The following CUL2 variants were observed in gnomAD, a reference collection of about 807,000 sequenced individuals.
CUL2 encodes cullin-2.
In CUL2, 22 loss-of-function variants were observed where a neutral mutation model predicts 110.2. The ratio of observed to expected loss-of-function variants is 0.20; its 90% CI spans 0.14 to 0.28. The LOEUF is 0.28. Ranked by LOEUF, CUL2 falls within the 10% of genes least tolerant of loss-of-function variation. The pLI is 1.00. For missense variants in CUL2, 631 were observed against 905.5 expected (o/e 0.70, Z 3.89); for synonymous variants, 279 against 293.2 (o/e 0.95, Z 0.49).
chr10:35,124,084 G>A (rs1349583106), intron 1 of CUL2, among the ~76,000 whole-genome samples: 2 of 152,300 alleles, frequency 1.3e-5, no homozygotes, highest in Admixed American at 1.3e-4. Flanking sequence ...TTGGGAAGCC[G>A]AGGTGGGAGG....
At chr10:35,049,496 A>T (rs1436044797) in intron 6 of CUL2, among the ~76,000 whole-genome samples, 187 bp downstream of exon 6, 1 of 133,794 alleles carries the variant, frequency 7.5e-6, no homozygotes, top group Non-Finnish European at 1.6e-5. Context: ...AAAGAAAAAA[A>T]AAGAAAGAAG....
At chr10:35,032,586 T>C (rs1164111582) in intron 11 of CUL2, 92 bp from the exon 12 acceptor site, 2 of 910,972 alleles carry the variant, frequency 2.2e-6, no homozygotes, top group South Asian at 1.7e-5. Flanking sequence ...ATCCAAAAAT[T>C]ACCCCGCCAC....
chr10:35,088,432 G>GGGAGGC (rs200836087), intron 1 of CUL2, among the ~76,000 whole-genome samples: 50,726 of 149,960 alleles, frequency 0.34, 8,594 homozygotes, highest in South Asian at 0.35. Flanking sequence ...TGCTTGAACT[G>GGGAGGC]GGAGGTTGCA....
At chr10:35,045,419 CA>C (rs764280962) in intron 6 of CUL2, among the ~76,000 whole-genome samples, 5 of 146,434 alleles carry the variant, frequency 3.4e-5, no homozygotes, top group Non-Finnish European at 3.0e-5. Flanking sequence ...AGACCTCATT[CA>C]AAAAAAAAAT....
At chr10:35,103,471 C>T (rs773320388) in intron 1 of CUL2, among the ~76,000 whole-genome samples, 7 of 151,802 alleles carry the variant, frequency 4.6e-5, no homozygotes, top group Admixed American at 2.0e-4. Flanking sequence ...ACTACAGGCG[C>T]GCGCCACCAT....
chr10:35,092,750 G>T (rs1302829249), upstream of CUL2, among the ~76,000 whole-genome samples: 1 of 152,112 alleles, frequency 6.6e-6, no homozygotes, highest in Non-Finnish European at 1.5e-5. Flanking sequence ...TTAGTTTATG[G>T]TTTAACTTGA....
chr10:35,039,159 C>T, intron 8 of CUL2, 77 bp from the exon 9 acceptor site: 1 of 910,734 alleles, frequency 1.1e-6, no homozygotes, highest in Non-Finnish European at 1.6e-6. Context: ...GCAAGTAACT[C>T]AGCCAAATTT....
chr10:35,067,626 C>A (rs973085515), intron 2 of CUL2, among the ~76,000 whole-genome samples: 4 of 151,848 alleles, frequency 2.6e-5, no homozygotes, highest in Admixed American at 2.6e-4. Flanking sequence ...CACATGTAAT[C>A]CCAGCTACAC....
chr10:35,017,168 C>A (rs2085058121), intron 17 of CUL2, among the ~76,000 whole-genome samples: 1 of 151,968 alleles, frequency 6.6e-6, no homozygotes, highest in East Asian at 1.9e-4. Context: ...GCTTTTGAGG[C>A]CCTGTCTAAG....
intron 15 of CUL2, 110 bp downstream of exon 15, chr10:35,029,378 G>A (rs1252833598): frequency 1.3e-6 from 1 of 771,706 alleles, no homozygotes; most frequent in African/African-American, 1.8e-5. Flanking sequence ...GACTTTAGAA[G>A]CCACAATCTA....
intron 4 of CUL2, among the ~76,000 whole-genome samples, chr10:35,056,746 C>G (rs2086249765): frequency 6.6e-6 from 1 of 152,198 alleles, no homozygotes; most frequent in Non-Finnish European, 1.5e-5. Flanking sequence ...GTCATATTAC[C>G]ATTTACATAT....
chr10:35,113,181 C>CAAAAAAAAAAAAAAAAAAAAAAAAAAA (rs71660665), intron 1 of CUL2, among the ~76,000 whole-genome samples: 1 of 36,630 alleles, frequency 2.7e-5, no homozygotes, highest in Non-Finnish European at 4.6e-5. Flanking sequence ...GACTCCATCT[C>CAAAAAAAAAAAAAAAAAAAAAAAAAAA]AAAAAAAAAA....
At chr10:35,032,578 C>G in intron 11 of CUL2, 84 bp from the exon 12 acceptor site, 1 of 967,220 alleles carries the variant, frequency 1.0e-6, no homozygotes, top group Admixed American at 2.8e-5. Context: ...ATCTGTACAT[C>G]CAAAAATTAC....
chr10:35,042,283 T>C (rs1564715927), intron 8 of CUL2, among the ~76,000 whole-genome samples: 1 of 152,190 alleles, frequency 6.6e-6, no homozygotes, highest in Non-Finnish European at 1.5e-5. Flanking sequence ...TCTGTCTTTT[T>C]CCACTTAGCA....
At chr10:35,068,820 C>T (rs768170800) in intron 2 of CUL2, among the ~76,000 whole-genome samples, 1 of 152,040 alleles carries the variant, frequency 6.6e-6, no homozygotes, top group Non-Finnish European at 1.5e-5. Context: ...GGCAAAATAA[C>T]AGGGAAAATG....
intron 1 of CUL2, among the ~76,000 whole-genome samples, chr10:35,125,474 T>A (rs931176847): frequency 7.2e-5 from 11 of 152,350 alleles, no homozygotes; most frequent in African/African-American, 2.4e-4. Flanking sequence ...ATACATTCCC[T>A]TTGACCTACG....
At chr10:35,011,021 T>C (rs2084887036) in intron 20 of CUL2, among the ~76,000 whole-genome samples, 2 of 152,076 alleles carry the variant, frequency 1.3e-5, no homozygotes, top group South Asian at 4.1e-4. Context: ...GAAGACTCAA[T>C]GAATCAGCAA....
rs112613808 is a variant in CUL2 at position 35,066,670 on chromosome 10, G to C, written c.120-3608C>G. On this transcript the variant is annotated intron_variant, in intron 2 of 20. Coordinates refer to ENST00000374749, the MANE Select transcript of CUL2 (RefSeq NM_003591.4). ...ACGAAATCATGCATTAGCAAACAAGGATAAAAAATGACTAATTAAATCGAA... is the reference window on the plus strand; with the variant it reads ...ACGAAATCATGCATTAGCAAACAAGCATAAAAAATGACTAATTAAATCGAA... Among the ~76,000 whole-genome samples, 942 of 152,310 alleles carry C rather than the reference G, an allele frequency of 6.2e-3. 12 individuals are homozygous for C. The highest frequency in any genetic ancestry group is 0.022 in the African/African-American group (895 of 41,550).
At chr10:35,118,068 T>C (rs1286475662) in intron 1 of CUL2, 4 of 152,206 alleles carry the variant, frequency 2.6e-5, no homozygotes. Context: ...GTGCATACAT[T>C]AGGCTTCATT....
Sources: allele counts gnomAD v4.1 joint callset (sites outside exome capture counted in the v4.1 genomes callset), GRCh38; gene constraint gnomAD v4.1.1; transcripts MANE v1.5; gene names NCBI Gene and HGNC (gene_info 2026-07-23, HGNC 2026-07-21).